Variants in FMN1 observed in about 807,000 individuals in gnomAD.
The protein encoded by FMN1 is formin 1.
In FMN1, 110 loss-of-function variants were observed where a neutral mutation model predicts 132.4. The ratio of observed to expected loss-of-function variants is 0.83; its 90% CI spans 0.71 to 0.97. The LOEUF (loss-of-function observed/expected upper bound fraction) is 0.97, where lower values mean the gene tolerates loss of function less well. FMN1 is among the 50% of genes least tolerant of loss of function. The pLI is 0.00. For missense variants in FMN1, 1,792 were observed against 1,705.3 expected (o/e 1.05, Z -0.90); for synonymous variants, 722 against 651.7 (o/e 1.11, Z -1.64).
chr15:33,154,287 T>A lies in FMN1; in HGVS notation c.628A>T (p.Asn210Tyr), dbSNP rs1267778843. The change falls in exon 4 of 21, where the codon AAC becomes TAC. Residue 210 changes from asparagine (N) to tyrosine (Y), a missense_variant. This residue lies in a region of FMN1 where 638 missense variants were observed against 645.2 expected (regional missense o/e 0.99). Coordinates refer to ENST00000616417, the MANE Select transcript of FMN1 (RefSeq NM_001277313.2). ...HSLPLSRTRP[N>Y]LWVLEEKGNL... ...CCTTTCTCCTCTAGTACCCAAAGGT[T>A]AGGCCTTGTTCTAGAAAGAGGAAGG... The A allele has an allele frequency of 3.3e-6, 5 of 1,536,176 alleles. No homozygotes were observed. In the South Asian group the frequency reaches 5.9e-5, roughly 18 times the overall value.
intron 6 of FMN1, among the ~76,000 whole-genome samples, chr15:33,026,553 C>T (rs1415549958): frequency 6.6e-6 from 1 of 152,020 alleles, no homozygotes; most frequent in African/African-American, 2.4e-5. Context: ...AAGCATATTC[C>T]TCATATAATA....
intron 17 of FMN1, among the ~76,000 whole-genome samples, chr15:32,830,378 C>A (rs973941459): frequency 1.3e-5 from 2 of 152,160 alleles, no homozygotes; most frequent in African/African-American, 4.8e-5. Context: ...CTCCAGATCA[C>A]ATTTTTGGAG....
intron 17 of FMN1, among the ~76,000 whole-genome samples, chr15:32,830,962 C>G (rs1306100683): frequency 6.6e-6 from 1 of 152,124 alleles, no homozygotes; most frequent in Admixed American, 6.5e-5. Flanking sequence ...AAACACCCCC[C>G]ACCACTATAA....
At chr15:33,107,928 C>T (rs1172247347) in intron 4 of FMN1, among the ~76,000 whole-genome samples, 1 of 152,058 alleles carries the variant, frequency 6.6e-6, no homozygotes, top group African/African-American at 2.4e-5. Flanking sequence ...TTACAGTTAA[C>T]TCTGGAAGCC....
chr15:33,019,033 G>A lies in FMN1; in HGVS notation c.2162-10958C>T, dbSNP rs192080698. Among the ~76,000 whole-genome samples, 524 of 152,308 alleles carry A rather than the reference G, an allele frequency of 3.4e-3. 1 individual carries two copies. The highest frequency in any genetic ancestry group is 0.01 in the African/African-American group (434 of 41,558). On this transcript the variant is annotated intron_variant, in intron 6 of 20. Transcript: ENST00000616417. ...AGAACAAAGCTTCCACCATGCGGAA[G>A]AGGACCTGAGCGGGTTACCACTGCT...
At chr15:32,899,092 T>C (rs903379407) in intron 14 of FMN1, among the ~76,000 whole-genome samples, 199 bp from the exon 15 acceptor site, 1 of 152,190 alleles carries the variant, frequency 6.6e-6, no homozygotes, top group Non-Finnish European at 1.5e-5. Context: ...CACTGTACTA[T>C]CCTTTGTGGG....
chr15:32,972,349 C>G (rs1478703595), intron 7 of FMN1, among the ~76,000 whole-genome samples: 1 of 152,128 alleles, frequency 6.6e-6, no homozygotes, highest in Non-Finnish European at 1.5e-5. Flanking sequence ...CTTTCCAACC[C>G]TACCTCTTTT....
intron 6 of FMN1, among the ~76,000 whole-genome samples, chr15:33,043,428 T>C (rs1235692996): frequency 2.0e-5 from 3 of 152,204 alleles, no homozygotes; most frequent in African/African-American, 7.2e-5. Context: ...TGTGTCTCAC[T>C]TCCATTTCCT....
At chr15:33,083,656 A>C (rs2038575973) in intron 5 of FMN1, among the ~76,000 whole-genome samples, 1 of 152,144 alleles carries the variant, frequency 6.6e-6, no homozygotes, top group Admixed American at 6.5e-5. Context: ...CTTTGTAATA[A>C]ATTGGTAATG....
intron 10 of FMN1, among the ~76,000 whole-genome samples, chr15:32,917,565 C>T (rs185563216): frequency 6.6e-6 from 1 of 152,286 alleles, no homozygotes; most frequent in Admixed American, 6.5e-5. Flanking sequence ...TGTATTTAAT[C>T]ATATGAGGCG....
rs1041586213 is a variant in FMN1, at chr15:32,807,884, T to G, written c.3929-3552A>C. Among the ~76,000 whole-genome samples, 4 of 152,380 alleles carry G rather than the reference T, an allele frequency of 2.6e-5. No individual in the cohort carries two copies. The South Asian group carries it at 8.3e-4, about 32-fold the overall frequency. On this transcript the variant is annotated intron_variant, in intron 17 of 20. Coordinates refer to ENST00000616417, the MANE Select transcript of FMN1 (RefSeq NM_001277313.2). ...CAGATACAAAAGGCATCTACCTTTATGGTGTGACTTGGAAGCTCTAACAGC... is the reference window on the plus strand; with the variant it reads ...CAGATACAAAAGGCATCTACCTTTAGGGTGTGACTTGGAAGCTCTAACAGC...
chr15:33,150,960 A>G (rs879308772), intron 4 of FMN1: 10 of 1,057,892 alleles, frequency 9.5e-6, no homozygotes, highest in Admixed American at 9.3e-5. Flanking sequence ...TTCTGGGTTT[A>G]GGTGGGAAGA....
At chr15:33,012,749 G>A (rs2034800586) in intron 6 of FMN1, 1 of 742,776 alleles carries the variant, frequency 1.3e-6, no homozygotes, top group Non-Finnish European at 2.5e-6. Flanking sequence ...GGTTTTGGTG[G>A]GAACGACATC....
intron 9 of FMN1, among the ~76,000 whole-genome samples, chr15:32,949,604 AG>A (rs2061580487): frequency 2.0e-5 from 3 of 152,122 alleles, no homozygotes; most frequent in African/African-American, 7.2e-5. Flanking sequence ...TAAAAACTCT[AG>A]AAGACAACCT....
At chr15:33,119,550 G>A (rs957736515) in intron 4 of FMN1, among the ~76,000 whole-genome samples, 1 of 152,166 alleles carries the variant, frequency 6.6e-6, no homozygotes, top group South Asian at 2.1e-4. Context: ...CCACTTTATA[G>A]CCCTATTAAT....
chr15:32,929,083 G>T (rs1292155518), intron 9 of FMN1, among the ~76,000 whole-genome samples: 1 of 152,210 alleles, frequency 6.6e-6, no homozygotes, highest in Non-Finnish European at 1.5e-5. Context: ...GGTATTTGCT[G>T]AGTGTTACCT....
chr15:32,867,677 G>A (rs1297154080), intron 16 of FMN1, among the ~76,000 whole-genome samples: 2 of 152,110 alleles, frequency 1.3e-5, no homozygotes, highest in African/African-American at 4.8e-5. Context: ...ATTTTTAGTA[G>A]AGACGGGGTT....
At chr15:32,929,455 T>A (rs1361591300) in intron 9 of FMN1, among the ~76,000 whole-genome samples, 4 of 152,210 alleles carry the variant, frequency 2.6e-5, no homozygotes, top group Admixed American at 2.6e-4. Flanking sequence ...CAACATGAAA[T>A]GTATCCTATT....
chr15:32,889,797 T>C (rs1032058709), intron 15 of FMN1, among the ~76,000 whole-genome samples: 15 of 152,208 alleles, frequency 9.9e-5, no homozygotes, highest in Admixed American at 2.0e-4. Context: ...CCATAAGTTA[T>C]TGGGGTAGAG....
Sources: gnomAD v4.1 joint callset for allele counts (sites outside exome capture counted in the v4.1 genomes callset) on GRCh38, gnomAD v4.1.1 for gene constraint, gnomAD v4.1.1 regional missense constraint, MANE v1.5 for transcripts, NCBI Gene and HGNC (gene_info 2026-07-23, HGNC 2026-07-21) for gene names.